Variants in LPL observed in about 807,000 individuals in gnomAD.
LPL encodes the protein phospholipase A1.
LPL carries 43 observed loss-of-function variants against 52.2 expected under a neutral mutation model. The ratio of observed to expected loss-of-function variants is 0.82; its 90% CI spans 0.64 to 1.06. The LOEUF is 1.06. Among genes scored for constraint, LPL ranks in the 50% least tolerant of loss-of-function variants. The pLI, the probability that LPL is intolerant of heterozygous loss-of-function variation, is 0.00. For synonymous variants in LPL, 244 were observed against 215.6 expected, an observed-to-expected ratio of 1.13 and a Z score of -1.15; for missense variants, 639 against 585.3, an observed-to-expected ratio of 1.09 and a Z score of -0.95.
chr8:19,943,676 A>G (rs2069859453), intron 1 of LPL, among the ~76,000 whole-genome samples: 1 of 152,234 alleles, frequency 6.6e-6, no homozygotes, highest in African/African-American at 2.4e-5. Context: ...TATTTCATTA[A>G]CCAGTCCACA....
rs1249459624 is a variant in LPL at position 19,954,124 on chromosome 8, C to G, written c.546C>G (p.Leu182=). ...TNKKVNRITG[L]DPAGPNFEYA... ...CCTGCTTTTTTCCCTTTTAAGGCCT[C>G]GATCCAGCTGGACCTAACTTTGAGT... Residue 182 remains leucine, a synonymous_variant, in exon 5 of 10, where the codon CTC becomes CTG. Transcript: ENST00000650287. 6.2e-7 allele frequency: 1 copy of G among 1,613,430 alleles called. No homozygotes were observed.
At chr8:19,960,824 T>C in intron 7 of LPL, 77 bp from the exon 8 acceptor site, 1 of 1,014,770 alleles carries the variant, frequency 9.9e-7, no homozygotes. Context: ...TATTTATATT[T>C]GGAGAGGAGA....
At chr8:19,948,105 C>A (rs1478079770) in intron 1 of LPL, 75 bp from the exon 2 acceptor site, 3 of 1,502,442 alleles carry the variant, frequency 2.0e-6, no homozygotes, top group East Asian at 2.3e-5. Flanking sequence ...TGCCTGTGAA[C>A]CTAAAACATA....
At position 19,948,436 on chromosome 8, in the gene LPL, C is replaced by G. The variant is rs2069902980; in HGVS notation, c.249+96C>G. The G allele has an allele frequency of 2.9e-6, 4 of 1,374,226 alleles. No individual in the cohort carries two copies. The East Asian group carries it at 9.3e-5, about 32-fold the overall frequency. The allele number at this position is 1,374,226 out of a possible 1,614,324, so 85.1% of individuals were successfully genotyped here. A position where few individuals can be genotyped will look rare whatever the true frequency, so the allele number is the denominator to read the frequency against. Reference sequence around the variant, plus strand: ...GGGACCCAGTGATGGGTCCGCACCCCACATCTCACGTGGATCTCCTTACAC... The same window carrying G: ...GGGACCCAGTGATGGGTCCGCACCCGACATCTCACGTGGATCTCCTTACAC... On this transcript the variant is annotated intron_variant, in intron 2 of 9. Coordinates refer to ENST00000650287, the MANE Select transcript of LPL (RefSeq NM_000237.3).
At chr8:19,964,977 C>T (rs1301850074) in intron 9 of LPL, among the ~76,000 whole-genome samples, 1 of 152,174 alleles carries the variant, frequency 6.6e-6, no homozygotes, top group African/African-American at 2.4e-5. Context: ...TCCTCAGAAA[C>T]CTCATATCAC....
intron 5 of LPL, 86 bp downstream of exon 5, chr8:19,954,439 T>C (rs534351730): frequency 7.4e-7 from 1 of 1,356,402 alleles, no homozygotes; most frequent in African/African-American, 1.4e-5. Context: ...CTTCAAAGTA[T>C]GTAGTTTTCA....
intron 2 of LPL, 50 bp from the exon 3 acceptor site, chr8:19,951,719 T>A: frequency 6.2e-7 from 1 of 1,601,874 alleles, no homozygotes; most frequent in Non-Finnish European, 8.6e-7. Flanking sequence ...GATGTATCTA[T>A]GACAAGTGGT....
At chr8:19,962,240 C>G in intron 9 of LPL, 21 bp downstream of exon 9, 1 of 1,588,270 alleles carries the variant, frequency 6.3e-7, no homozygotes, top group Non-Finnish European at 8.6e-7. Context: ...TGGGCTAAAG[C>G]TGACTGGGCA....
At chr8:19,961,238 T>A (rs1416130914) in intron 8 of LPL, among the ~76,000 whole-genome samples, 155 bp downstream of exon 8, 4 of 142,922 alleles carry the variant, frequency 2.8e-5, no homozygotes, top group Middle Eastern at 3.5e-3. Context: ...AGTCTTCTTT[T>A]ATTTTCTTAT....
Position 19,959,339 on chromosome 8 carries a change from G to A in LPL, c.1098G>A (p.Leu366=), listed in dbSNP as rs921146158. The A allele has an allele frequency of 2.5e-6, 4 of 1,614,012 alleles. No homozygotes were observed. Among genetic ancestry groups the A allele is most frequent in the Middle Eastern group, 1.6e-4 (1 of 6,084 alleles). The part of the protein sequence containing the change: ...THTNQAFEIS[L]YGTVAESENI... ...CCAATCAGGCCTTTGAGATTTCTCT[G>A]TATGGCACCGTGGCCGAGAGTGAGA... Residue 366 remains leucine, a synonymous_variant, in exon 7 of 10, where the codon CTG becomes CTA. Transcript: ENST00000650287.
chr8:19,966,970 G>C lies in LPL; in HGVS notation c.*1660G>C, dbSNP rs562346489. 2 of 152,578 alleles carry C rather than the reference G, an allele frequency of 1.3e-5. No individual in the cohort carries two copies. Among genetic ancestry groups the C allele is most frequent in the Non-Finnish European group, 2.9e-5 (2 of 68,030 alleles). 9.5% of individuals were successfully genotyped at this position (152,578 alleles called of 1,614,324 possible). Reference sequence around the variant, plus strand: ...ACATAGCACTGGGAACTCTGGCTCCGAAAAACTTTGTTATATATATCAAGG... The same window carrying C: ...ACATAGCACTGGGAACTCTGGCTCCCAAAAACTTTGTTATATATATCAAGG... On this transcript the variant is annotated 3_prime_UTR_variant, in exon 10 of 10. Transcript: ENST00000650287.
Position 19,939,516 on chromosome 8 carries a change from GCCGCCGCCGA to G in LPL, c.80_88+1del. ...TCTGACCGCCTCCCGCGGAGGGGTG[GCCGCCGCCGA>G]CCGTAAGTTTTGCGCGCAAACTCCC... On this transcript the variant is annotated frameshift_variant and splice_region_variant, in exon 1 of 10. Transcript: ENST00000650287. LOFTEE classifies it high-confidence loss of function. This position sits in a 1 kb window ranked among gnomAD's most constrained non-coding sequence, Gnocchi z 4.0. 6.2e-7 allele frequency: 1 copy of G among 1,608,114 alleles called. No homozygotes were observed. The highest frequency in any genetic ancestry group is 8.5e-7 in the Non-Finnish European group (1 of 1,178,050).
rs536553009 is a variant in LPL, at chr8:19,943,605, T to A, written c.88+4077T>A. Among the ~76,000 whole-genome samples, 8 of 152,292 alleles carry A rather than the reference T, an allele frequency of 5.3e-5. No individual in the cohort carries two copies. The East Asian group carries it at 1.4e-3, about 26-fold the overall frequency. The stretch of plus-strand genomic sequence containing the variant: ...AGTCTCAGATTAACCAGGTAAGTAT[T>A]TTGTATTTCACTTAAAAAATCTTGA... On this transcript the variant is annotated intron_variant, in intron 1 of 9. Coordinates refer to ENST00000650287, the MANE Select transcript of LPL (RefSeq NM_000237.3).
chr8:19,941,962 A>G lies in LPL; in HGVS notation c.88+2434A>G, dbSNP rs561470242. Reference sequence around the variant, plus strand: ...AGGGAGAGTATGGTCAGTGCTTAGCAGCTGAAGTTCCACTTGCCTGGCCAT... The same window carrying G: ...AGGGAGAGTATGGTCAGTGCTTAGCGGCTGAAGTTCCACTTGCCTGGCCAT... On this transcript the variant is annotated intron_variant, in intron 1 of 9. Transcript: ENST00000650287. Among the ~76,000 whole-genome samples the G allele has an allele frequency of 4.4e-4, 67 of 152,324 alleles. 1 individual carries two copies. The highest frequency in any genetic ancestry group is 3.9e-3 in the South Asian group (19 of 4,832).
In LPL at chr8:19,939,349, A is replaced by C; in HGVS notation, c.-92A>C. 15 of 1,296,318 alleles carry C rather than the reference A, an allele frequency of 1.2e-5. No individual in the cohort carries two copies. Among genetic ancestry groups the C allele is most frequent in the Middle Eastern group, 2.4e-4 (1 of 4,228 alleles). 80.3% of individuals were successfully genotyped at this position (1,296,318 alleles called of 1,614,324 possible). A position where few individuals can be genotyped will look rare whatever the true frequency, so the allele number is the denominator to read the frequency against. ...TTTAAAGGGCGACTTGCTCAGCGCCAAACCGCGGCTCCAGCCCTCTCCAGC... is the reference window on the plus strand; with the variant it reads ...TTTAAAGGGCGACTTGCTCAGCGCCCAACCGCGGCTCCAGCCCTCTCCAGC... On this transcript the variant is annotated 5_prime_UTR_variant, in exon 1 of 10. Transcript: ENST00000650287. This position sits in a 1 kb window ranked among gnomAD's most constrained non-coding sequence, Gnocchi z 4.0.
intron 2 of LPL, among the ~76,000 whole-genome samples, chr8:19,949,501 G>C (rs1239118704): frequency 6.6e-6 from 1 of 151,838 alleles, no homozygotes; most frequent in African/African-American, 2.4e-5. Context: ...TTTCTTTTTT[G>C]AGATGGAGGC....
intron 3 of LPL, 90 bp from the exon 4 acceptor site, chr8:19,953,220 T>G (rs2069950080): frequency 2.5e-6 from 2 of 790,378 alleles, no homozygotes; most frequent in African/African-American, 3.4e-5. Flanking sequence ...ATTTCCTATA[T>G]TTGGAAAACA....
chr8:19,959,269 A>C lies in LPL; in HGVS notation c.1028A>C (p.Tyr343Ser). ...ATTTCCTCCCCAACAGTCTTCCATT[A>C]CCAAGTAAAGATTCATTTTTCTGGG... is the stretch of plus-strand genomic sequence containing the variant. ...RSQMPYKVFH[Y>S]QVKIHFSGTE... The change falls in exon 7 of 10, where the codon TAC (tyrosine) becomes TCC (serine). Residue 343 changes from tyrosine (Y) to serine (S), a missense_variant. Transcript: ENST00000650287. The C allele has an allele frequency of 6.2e-7, 1 of 1,614,144 alleles. No individual in the cohort carries two copies. The highest frequency in any genetic ancestry group is 8.5e-7 in the Non-Finnish European group (1 of 1,180,010).
At chr8:19,951,413 G>C (rs553944229) in intron 2 of LPL, among the ~76,000 whole-genome samples, 2 of 152,172 alleles carry the variant, frequency 1.3e-5, no homozygotes, top group South Asian at 4.1e-4. Flanking sequence ...TCCTAGCCAG[G>C]TGCTCCTGCT....
Sources: gnomAD v4.1 joint callset for allele counts (sites outside exome capture counted in the v4.1 genomes callset) on GRCh38, gnomAD v4.1.1 for gene constraint, Gnocchi (gnomAD v3.1) non-coding constraint, MANE v1.5 for transcripts, NCBI Gene and HGNC (gene_info 2026-07-23, HGNC 2026-07-21) for gene names.